The following TDRKH variants were observed in gnomAD, a reference collection of about 807,000 sequenced individuals.
TDRKH encodes the protein tudor and KH domain containing.
A neutral mutation model predicts 61.3 loss-of-function variants in TDRKH; 28 were observed. That is an observed-to-expected ratio of 0.46 (90% confidence interval 0.34 to 0.63). The LOEUF (loss-of-function observed/expected upper bound fraction) is 0.63. Ranked by LOEUF, TDRKH falls within the 20% of genes least tolerant of loss-of-function variation. The pLI is 0.01. For synonymous variants in TDRKH, 219 were observed against 244.4 expected, an observed-to-expected ratio of 0.90 and a Z score of 0.97; for missense variants, 540 against 683.4, an observed-to-expected ratio of 0.79 and a Z score of 2.34.
intron 1 of TDRKH, among the ~76,000 whole-genome samples, chr1:151,788,634 G>A (rs1041240287): frequency 1.3e-5 from 2 of 152,172 alleles, no homozygotes; most frequent in African/African-American, 4.8e-5. Flanking sequence ...CTAAGGGATA[G>A]AAAAGGATTG....
chr1:151,774,728 A>G lies in TDRKH; in HGVS notation c.1615T>C (p.Ser539Pro), dbSNP rs1648980752. The change falls in exon 12 of 13, where the codon TCC becomes CCC. Residue 539 changes from serine to proline, a missense_variant. Ser to Pro is a moderately conservative substitution (Grantham distance 74). Coordinates refer to ENST00000368824, the MANE Select transcript of TDRKH (RefSeq NM_001083965.2). ...CTTGTACCTGATAAGCTGAGGCAGGACAGGGTATGTGTTATCTCTCCAGAG... is the reference window on the plus strand; with the variant it reads ...CTTGTACCTGATAAGCTGAGGCAGGGCAGGGTATGTGTTATCTCTCCAGAG... ...KSSGEITHTL[S>P]CLSLSEAASM... The G allele has an allele frequency of 6.2e-7, 1 of 1,614,084 alleles. No homozygotes were observed. The highest frequency in any genetic ancestry group is 1.3e-5 in the African/African-American group (1 of 74,954).
intron 1 of TDRKH, among the ~76,000 whole-genome samples, chr1:151,786,334 C>G (rs1303585706): frequency 6.6e-6 from 1 of 152,168 alleles, no homozygotes; most frequent in Admixed American, 6.5e-5. Context: ...TTTTTTCAAT[C>G]TGATAACCAA....
At chr1:151,781,910 T>C (rs1649852896) in intron 2 of TDRKH, 1 of 449,626 alleles carries the variant, frequency 2.2e-6, no homozygotes, top group African/African-American at 2.0e-5. Flanking sequence ...AAAAGTTACC[T>C]GAGGGGTCCA....
At chr1:151,777,759 C>T (rs1649338363) in intron 6 of TDRKH, among the ~76,000 whole-genome samples, 1 of 145,216 alleles carries the variant, frequency 6.9e-6, no homozygotes. Flanking sequence ...TCACTGTCAC[C>T]CAGGCTGGAG....
In TDRKH at chr1:151,775,463, T is replaced by A. The variant is rs1163021038; in HGVS notation, c.1363A>T (p.Ile455Phe). The change falls in exon 10 of 13, where the codon ATC becomes TTC. Residue 455 changes from isoleucine (I) to phenylalanine (F), a missense_variant. Ile to Phe is a conservative substitution (Grantham distance 21). Around this residue, in one of 3 missense-constraint regions of TDRKH, gnomAD observed 379 missense variants for 443.8 expected, o/e 0.85. Coordinates refer to ENST00000368824, the MANE Select transcript of TDRKH (RefSeq NM_001083965.2). ...CADWKPLVAK[I>F]SSYVQTGIST... is the part of the protein sequence containing the mutation. ...ATCCCAGTCTGGACATAGCTAGAGA[T>A]CTTGGCTACCAGAGGCTTCCAGTCA... 1.9e-6 allele frequency: 3 copies of A among 1,614,156 alleles called. No homozygotes were observed. Among genetic ancestry groups the A allele is most frequent in the Admixed American group, 3.3e-5 (2 of 60,012 alleles).
At position 151,776,249 on chromosome 1, in the gene TDRKH, T is replaced by C; in HGVS notation, c.1064A>G (p.His355Arg). 1.2e-6 allele frequency: 2 copies of C among 1,614,012 alleles called. No homozygotes were observed. Among genetic ancestry groups the C allele is most frequent in the East Asian group, 2.2e-5 (1 of 44,884 alleles). ...AGGTGCTGCTACAATGTCTCCTACA[T>C]GCACAGTCAAGTCTTCAGGCTGTAT... is the stretch of plus-strand genomic sequence containing the variant. ...ENSVPEDLTV[H>R]VGDIVAAPLP... Residue 355 changes from histidine (H) to arginine (R), a missense_variant, in exon 8 of 13, where the codon CAT becomes CGT. Physicochemically the swap from His to Arg is conservative, Grantham distance 29 (BLOSUM62 0). This residue lies in a region of TDRKH where 379 missense variants were observed against 443.8 expected (regional missense o/e 0.85). Transcript: ENST00000368824.
intron 1 of TDRKH, among the ~76,000 whole-genome samples, chr1:151,787,156 C>T (rs574314413): frequency 6.6e-6 from 1 of 152,284 alleles, no homozygotes; most frequent in East Asian, 1.9e-4. Context: ...TACTTTCCTA[C>T]ATTGAGATGG....
intron 2 of TDRKH, 35 bp from the exon 3 acceptor site, chr1:151,781,622 A>AT: frequency 6.3e-7 from 1 of 1,596,444 alleles, no homozygotes; most frequent in Non-Finnish European, 8.6e-7. Flanking sequence ...TCAGACTTAG[A>AT]TAACACCCAA....
At chr1:151,783,240 A>T (rs1197754005) in intron 1 of TDRKH, 191 bp from the exon 2 acceptor site, 6 of 371,058 alleles carry the variant, frequency 1.6e-5, no homozygotes, top group Non-Finnish European at 2.8e-5. Context: ...TAGCTAAGGT[A>T]CACATAGAAT....
In TDRKH at chr1:151,776,423, C is replaced by A. The variant is rs759231418; in HGVS notation, c.1044+16G>T. On this transcript the variant is annotated intron_variant, in intron 7 of 12. Coordinates refer to ENST00000368824, the MANE Select transcript of TDRKH (RefSeq NM_001083965.2). Reference sequence around the variant, plus strand: ...TCTTTTCATTAAACCCCAGCCCTGTCCCTATGGCAACTCACCACACTATTC... The same window carrying A: ...TCTTTTCATTAAACCCCAGCCCTGTACCTATGGCAACTCACCACACTATTC... The A allele has an allele frequency of 1.9e-6, 3 of 1,613,856 alleles. No individual in the cohort carries two copies. The South Asian group carries it at 3.3e-5, about 18-fold the overall frequency.
chr1:151,782,791 C>T, intron 2 of TDRKH, 108 bp downstream of exon 2: 1 of 1,413,442 alleles, frequency 7.1e-7, no homozygotes, highest in Non-Finnish European at 9.3e-7. Context: ...ACAAAAAACC[C>T]CAAAACAAAA....
chr1:151,771,502 C>G (rs1558134214), downstream of TDRKH: 1 of 491,526 alleles, frequency 2.0e-6, no homozygotes, highest in Non-Finnish European at 3.2e-6. Flanking sequence ...ACTATTTCCC[C>G]ATTTATTCTA....
At chr1:151,774,614 A>G (rs1648970423) in intron 12 of TDRKH, 96 bp downstream of exon 12, 6 of 1,577,912 alleles carry the variant, frequency 3.8e-6, no homozygotes. Context: ...TGACCTGACT[A>G]GGAACCAAGC....
chr1:151,769,918 G>A (rs922973822), downstream of TDRKH, among the ~76,000 whole-genome samples: 4 of 148,598 alleles, frequency 2.7e-5, no homozygotes, highest in East Asian at 5.9e-4. Flanking sequence ...ACCAAAATAC[G>A]AAAACCAGTC....
chr1:151,782,355 G>A (rs1433254771), intron 2 of TDRKH, among the ~76,000 whole-genome samples: 1 of 152,094 alleles, frequency 6.6e-6, no homozygotes, highest in Non-Finnish European at 1.5e-5. Context: ...GCTGAGGCAG[G>A]AGAACTGCTT....
rs1328530068 is a variant in TDRKH at position 151,773,579 on chromosome 1, T to C, written c.*873A>G. On this transcript the variant is annotated 3_prime_UTR_variant, in exon 13 of 13. Transcript: ENST00000368824. Reference sequence around the variant, plus strand: ...CTCTTCCTCTCTCTCCACGGGTGTATATGTGTGTATACATATAGATATTAT... The same window carrying C: ...CTCTTCCTCTCTCTCCACGGGTGTACATGTGTGTATACATATAGATATTAT... The C allele has an allele frequency of 1.3e-5, 2 of 152,592 alleles. No individual in the cohort carries two copies. Among genetic ancestry groups the C allele is most frequent in the East Asian group, 3.8e-4 (2 of 5,200 alleles). 9.5% of individuals were successfully genotyped at this position (152,592 alleles called of 1,614,324 possible). A position where few individuals can be genotyped will look rare whatever the true frequency, so the allele number is the denominator to read the frequency against.
chr1:151,774,046 T>G lies in TDRKH; in HGVS notation c.*406A>C. The G allele has an allele frequency of 1.1e-5, 2 of 186,340 alleles. No individual in the cohort carries two copies. Among genetic ancestry groups the G allele is most frequent in the Non-Finnish European group, 2.2e-5 (2 of 90,052 alleles). The allele number at this position is 186,340 out of a possible 1,614,324, so 11.5% of individuals were successfully genotyped here. A position where few individuals can be genotyped will look rare whatever the true frequency, so the allele number is the denominator to read the frequency against. On this transcript the variant is annotated 3_prime_UTR_variant, in exon 13 of 13. Transcript: ENST00000368824. ...CAAACACTGGAGGGTTGGGGAGGGA[T>G]CCGGAGGTGGAATGGGGGAGACACA...
intron 2 of TDRKH, among the ~76,000 whole-genome samples, chr1:151,782,625 A>T (rs944611943): frequency 2.0e-5 from 3 of 151,914 alleles, no homozygotes; most frequent in African/African-American, 7.3e-5. Context: ...GGAAAACCCC[A>T]TCTCTACAAA....
chr1:151,787,662 A>G (rs907241508), intron 1 of TDRKH, among the ~76,000 whole-genome samples: 7 of 152,016 alleles, frequency 4.6e-5, no homozygotes, highest in Non-Finnish European at 8.8e-5. Flanking sequence ...AAATATTCAT[A>G]GTCTAGGAAA....
Sources: allele counts gnomAD v4.1 joint callset (sites outside exome capture counted in the v4.1 genomes callset), GRCh38; gene constraint gnomAD v4.1.1; regional missense constraint gnomAD v4.1.1; transcripts MANE v1.5; gene names NCBI Gene and HGNC (gene_info 2026-07-23, HGNC 2026-07-21).